The following SUMF1 variants were observed in gnomAD, a reference collection of about 807,000 sequenced individuals.
The protein encoded by SUMF1 is formylglycine-generating enzyme.
Under a neutral mutation model 47.6 loss-of-function variants are expected in SUMF1, and 48 were observed. The observed-to-expected ratio is 1.01, with a 90% CI of 0.80 to 1.28. SUMF1 has a LOEUF of 1.28. SUMF1 is among the 50% of genes most tolerant of loss of function. The pLI, the probability that SUMF1 is intolerant of heterozygous loss-of-function variation, is 0.00. For missense variants in SUMF1, 571 were observed against 485.4 expected (o/e 1.18, Z -1.66); for synonymous variants, 230 against 192.1 (o/e 1.20, Z -1.63).
At chr3:4,197,187 C>T (rs981889372) in intron 8 of SUMF1, among the ~76,000 whole-genome samples, 1 of 152,138 alleles carries the variant, frequency 6.6e-6, no homozygotes, top group Non-Finnish European at 1.5e-5. Context: ...GATCACAGCT[C>T]ACTGCAGCCT....
intron 8 of SUMF1, among the ~76,000 whole-genome samples, chr3:4,363,099 A>C (rs1311085073): frequency 6.6e-6 from 1 of 152,200 alleles, no homozygotes; most frequent in Non-Finnish European, 1.5e-5. Context: ...TATGAAACCT[A>C]TTCAGTATTC....
chr3:4,292,399 A>G (rs1306611062), intron 8 of SUMF1, among the ~76,000 whole-genome samples: 1 of 152,228 alleles, frequency 6.6e-6, no homozygotes, highest in African/African-American at 2.4e-5. Context: ...GATGCAGTAC[A>G]TGACAAGAAG....
At chr3:4,261,565 G>A (rs1372503974) in intron 8 of SUMF1, among the ~76,000 whole-genome samples, 1 of 152,212 alleles carries the variant, frequency 6.6e-6, no homozygotes, top group Non-Finnish European at 1.5e-5. Context: ...CAGGGATTAT[G>A]CACATTTTCT....
At chr3:4,416,154 C>T (rs751479803) in intron 6 of SUMF1, among the ~76,000 whole-genome samples, 1 of 152,272 alleles carries the variant, frequency 6.6e-6, no homozygotes, top group South Asian at 2.1e-4. Context: ...ATGCCCCAAG[C>T]ATTCTGGAAA....
rs1478019706 is a variant in SUMF1, at chr3:4,184,266, G to C, written c.1015-115521C>G. ...AGGTCAAGAATCTGAGACCAGCCTG[G>C]CCAACATGGCAAAACCCTGTCTCTA... On this transcript the variant is annotated intron_variant and NMD_transcript_variant, in intron 8 of 12. Transcript: ENST00000448413. Among the ~76,000 whole-genome samples, 3 of 152,026 alleles carry C rather than the reference G, an allele frequency of 2.0e-5. No homozygotes were observed. In the East Asian group the frequency reaches 5.8e-4, roughly 29 times the overall value.
At chr3:4,252,371 CA>C (rs1696822822) in intron 8 of SUMF1, among the ~76,000 whole-genome samples, 3 of 142,520 alleles carry the variant, frequency 2.1e-5, no homozygotes, top group African/African-American at 7.5e-5. Flanking sequence ...CACACACACA[CA>C]CACACACCCC....
chr3:4,175,240 C>A (rs1278272980), intron 8 of SUMF1, among the ~76,000 whole-genome samples: 1 of 152,144 alleles, frequency 6.6e-6, no homozygotes, highest in Admixed American at 6.5e-5. Flanking sequence ...CAAGTGGGCC[C>A]CTGACCCCCG....
intron 8 of SUMF1, among the ~76,000 whole-genome samples, chr3:4,104,075 T>A (rs568223654): frequency 2.0e-5 from 3 of 152,154 alleles, no homozygotes; most frequent in Non-Finnish European, 4.4e-5. Context: ...TTTTTCTGTG[T>A]CCCCACCCAA....
In SUMF1 at chr3:4,467,171, G is replaced by GAGCAGC. The variant is rs755088862; in HGVS notation, c.69_74dup (p.Leu24_Leu25dup). ...TCCCTGCCGCTCCACACAGCAGCGA[G>GAGCAGC]AGCAGCAGCAGCAAGAGGACGAGAC... On this transcript the variant is annotated inframe_insertion, in exon 1 of 9. Transcript: ENST00000272902. The GAGCAGC allele has an allele frequency of 3.1e-6, 5 of 1,607,702 alleles. No individual in the cohort carries two copies. In the East Asian group the frequency reaches 9.0e-5, roughly 29 times the overall value.
In SUMF1 at chr3:4,410,853, A is replaced by AAT. The variant is rs1161637038; in HGVS notation, c.954+10_954+11dup. 1 of 1,612,188 alleles carries AAT rather than the reference A, an allele frequency of 6.2e-7. No individual in the cohort carries two copies. Among genetic ancestry groups the AAT allele is most frequent in the Non-Finnish European group, 8.5e-7 (1 of 1,178,254 alleles). On this transcript the variant is annotated intron_variant, in intron 7 of 8. Coordinates refer to ENST00000272902, the MANE Select transcript of SUMF1 (RefSeq NM_182760.4). The stretch of plus-strand genomic sequence containing the variant: ...ACCATTCCAAGACACATGCTCTGTG[A>AAT]ATAATACTCACTGGGTTAAGCGTTT...
At chr3:4,111,839 A>C (rs1352533551) in intron 8 of SUMF1, among the ~76,000 whole-genome samples, 1 of 152,012 alleles carries the variant, frequency 6.6e-6, no homozygotes, top group Admixed American at 6.6e-5. Flanking sequence ...GGAAAATGGC[A>C]AAAAAAATTT....
At chr3:4,369,908 A>G (rs930645933) in intron 8 of SUMF1, among the ~76,000 whole-genome samples, 3 of 152,210 alleles carry the variant, frequency 2.0e-5, no homozygotes, top group Non-Finnish European at 4.4e-5. Context: ...TGGTTTAATT[A>G]TTCACTGAAT....
intron 8 of SUMF1, among the ~76,000 whole-genome samples, chr3:4,340,758 C>T (rs186869534): frequency 6.6e-6 from 1 of 152,198 alleles, no homozygotes; most frequent in Non-Finnish European, 1.5e-5. Context: ...AAGAATGACT[C>T]TGCAGTTTCT....
At chr3:4,266,283 T>G (rs999511192) in intron 8 of SUMF1, among the ~76,000 whole-genome samples, 14 of 152,200 alleles carry the variant, frequency 9.2e-5, no homozygotes, top group Non-Finnish European at 1.3e-4. Context: ...ATTGGTAGCT[T>G]GATGGGGATG....
chr3:4,088,871 C>T (rs953143896), intron 8 of SUMF1, among the ~76,000 whole-genome samples: 11 of 151,966 alleles, frequency 7.2e-5, no homozygotes, highest in African/African-American at 2.7e-4. Flanking sequence ...TGAGAAACCA[C>T]ACACAGAAAA....
intron 1 of SUMF1, among the ~76,000 whole-genome samples, chr3:4,458,860 G>C (rs575514335): frequency 2.0e-5 from 3 of 150,292 alleles, no homozygotes; most frequent in African/African-American, 7.3e-5. Flanking sequence ...CGTCTCAAGA[G>C]AAAAAAAAAG....
At chr3:4,234,011 C>A (rs1696355494) in intron 8 of SUMF1, among the ~76,000 whole-genome samples, 1 of 152,048 alleles carries the variant, frequency 6.6e-6, no homozygotes, top group African/African-American at 2.4e-5. Context: ...GCAATGACCT[C>A]CTGGCCTGAA....
intron 8 of SUMF1, among the ~76,000 whole-genome samples, chr3:4,321,879 T>C (rs946683604): frequency 3.3e-5 from 5 of 152,086 alleles, no homozygotes; most frequent in African/African-American, 4.8e-5. Context: ...CTGGGGAAAC[T>C]TGACAAATGA....
chr3:4,166,926 G>A (rs2120510), intron 8 of SUMF1, among the ~76,000 whole-genome samples: 37,325 of 152,020 alleles, frequency 0.25, 5,387 homozygotes, highest in East Asian at 0.4. Flanking sequence ...ACACCCATGT[G>A]TTTAGTCCAG....
Sources: allele counts gnomAD v4.1 joint callset (sites outside exome capture counted in the v4.1 genomes callset), GRCh38; gene constraint gnomAD v4.1.1; transcripts MANE v1.5; gene names NCBI Gene and HGNC (gene_info 2026-07-23, HGNC 2026-07-21).